The following CARD9 variants were observed in gnomAD, a reference collection of about 807,000 sequenced individuals.
CARD9 encodes caspase recruitment domain family member 9.
Under a neutral mutation model 66.0 loss-of-function variants are expected in CARD9, and 53 were observed. That is an observed-to-expected ratio of 0.80 (90% CI 0.64 to 1.01). The LOEUF is 1.01. Ranked by LOEUF, CARD9 falls within the 50% of genes least tolerant of loss-of-function variation. CARD9 has a pLI of 0.00. For missense variants in CARD9, 769 were observed against 743.2 expected (o/e 1.03, Z -0.40); for synonymous variants, 387 against 313.8 (o/e 1.23, Z -2.47).
At chr9:136,365,446 G>C (rs941340381) in intron 10 of CARD9, 14 of 576,938 alleles carry the variant, frequency 2.4e-5, no homozygotes, top group African/African-American at 2.3e-4. Context: ...CAGGCCCAAC[G>C]CTCCCGCCAG....
In CARD9 at chr9:136,367,815, C is replaced by T. The variant is rs778706578; in HGVS notation, c.1091G>A (p.Arg364Gln). ...GGCGTGCTGTGCGTGCAGCTCCTCC[C>T]GCGTGGCTATGGCCTGACGGGACAG... ...AIERDQAIAT[R>Q]EELHAQHARG... Residue 364 changes from arginine (R) to glutamine (Q), a missense_variant, in exon 8 of 13, where the codon CGG becomes CAG. By Grantham distance (43) the Arg-to-Gln change is conservative. Transcript: ENST00000371732. 1.6e-5 allele frequency: 25 copies of T among 1,600,566 alleles called. No homozygotes were observed. The highest frequency in any genetic ancestry group is 1.2e-4 in the African/African-American group (9 of 74,888).
intron 7 of CARD9, 97 bp from the exon 8 acceptor site, chr9:136,367,925 A>C: frequency 6.8e-7 from 1 of 1,465,300 alleles, no homozygotes; most frequent in Non-Finnish European, 9.0e-7. Context: ...GCTCCGGAGG[A>C]CGTCAAGCCG....
At chr9:136,364,612 C>T (rs1833072335) in intron 11 of CARD9, 53 bp from the exon 12 acceptor site, 6 of 1,501,314 alleles carry the variant, frequency 4.0e-6, no homozygotes, top group African/African-American at 1.4e-5. Context: ...GGGAACCCGT[C>T]CTTCTCACCC....
In CARD9 at chr9:136,371,149, T is replaced by C; in HGVS notation, c.323-4A>G. On this transcript the variant is annotated splice_polypyrimidine_tract_variant and splice_region_variant and intron_variant, in intron 3 of 12. Coordinates refer to ENST00000371732, the MANE Select transcript of CARD9 (RefSeq NM_052813.5). ...AGGCCTGACTCCCCGGACGCGTCTG[T>C]GGGCCAGGCCAGTGTCAGATGGTGC... The C allele has an allele frequency of 1.9e-6, 3 of 1,611,984 alleles. No homozygotes were observed. The highest frequency in any genetic ancestry group is 2.5e-6 in the Non-Finnish European group (3 of 1,179,698).
intron 2 of CARD9, 61 bp from the exon 3 acceptor site, chr9:136,371,522 G>T: frequency 1.2e-5 from 17 of 1,471,226 alleles, no homozygotes; most frequent in Non-Finnish European, 1.5e-5. Flanking sequence ...GCTGGGGTGG[G>T]TGGGCCTGGG....
At chr9:136,372,685 C>T (rs1833304130) in intron 1 of CARD9, among the ~76,000 whole-genome samples, 2 of 152,236 alleles carry the variant, frequency 1.3e-5, no homozygotes, top group Admixed American at 1.3e-4. Context: ...TGTGCCCTCC[C>T]TCCTCCACGG....
intron 7 of CARD9, among the ~76,000 whole-genome samples, chr9:136,368,733 G>A (rs1833186151): frequency 6.6e-6 from 1 of 152,236 alleles, no homozygotes; most frequent in African/African-American, 2.4e-5. Context: ...CCGTGGCCCA[G>A]GCTGGAGTGC....
chr9:136,363,973 G>T lies in CARD9; in HGVS notation c.*329C>A. 1 of 1,134,904 alleles carries T rather than the reference G, an allele frequency of 8.8e-7. No homozygotes were observed. The highest frequency in any genetic ancestry group is 1.3e-6 in the Non-Finnish European group (1 of 773,382). 70.3% of individuals were successfully genotyped at this position (1,134,904 alleles called of 1,614,324 possible). ...AGCGGGAATGCGGGTCACCCGTGCTGTTTATTTACGCAGCTGTGTTTTCTA... is the reference window on the plus strand; with the variant it reads ...AGCGGGAATGCGGGTCACCCGTGCTTTTTATTTACGCAGCTGTGTTTTCTA... On this transcript the variant is annotated 3_prime_UTR_variant, in exon 13 of 13. Coordinates refer to ENST00000371732, the MANE Select transcript of CARD9 (RefSeq NM_052813.5).
chr9:136,366,948 T>TGC, intron 9 of CARD9, 103 bp from the exon 10 acceptor site: 1 of 1,351,588 alleles, frequency 7.4e-7, no homozygotes, highest in African/African-American at 1.4e-5. Context: ...GTGCAGCCAT[T>TGC]GCCGTCACCC....
chr9:136,366,393 T>G (rs1184183257), intron 10 of CARD9: 3 of 231,534 alleles, frequency 1.3e-5, no homozygotes, highest in Non-Finnish European at 2.6e-5. Context: ...ATGCACCTGG[T>G]CGTTCGCTCG....
In CARD9 at chr9:136,365,096, CCT is replaced by C. The variant is rs777164403; in HGVS notation, c.1434+43_1434+44del. The C allele has an allele frequency of 8.1e-6, 13 of 1,595,498 alleles. No individual in the cohort carries two copies. The African/African-American group carries it at 1.6e-4, about 20-fold the overall frequency. On this transcript the variant is annotated intron_variant, in intron 11 of 12. Coordinates refer to ENST00000371732, the MANE Select transcript of CARD9 (RefSeq NM_052813.5). ...AGCCACTCTCCCTGTGATCGGTCAC[CCT>C]GAGGCCCACGGCTGGGAGGACCCCA...
At chr9:136,365,093 C>A in intron 11 of CARD9, 48 bp downstream of exon 11, 1 of 1,586,990 alleles carries the variant, frequency 6.3e-7, no homozygotes, top group South Asian at 1.1e-5. Flanking sequence ...TGTGATCGGT[C>A]ACCCTGAGGC....
At chr9:136,365,259 G>A (rs537150633) in intron 10 of CARD9, 42 bp from the exon 11 acceptor site, 2 of 1,590,312 alleles carry the variant, frequency 1.3e-6, no homozygotes, top group South Asian at 1.1e-5. Context: ...CCCATCTGCT[G>A]GGCCACGTAT....
intron 11 of CARD9, 153 bp downstream of exon 11, chr9:136,364,988 G>A (rs551580772): frequency 1.2e-5 from 8 of 693,650 alleles, no homozygotes; most frequent in Admixed American, 2.7e-5. Context: ...CCCAGACACC[G>A]CACCCCGAGC....
At position 136,367,824 on chromosome 9, in the gene CARD9, A is replaced by G; in HGVS notation, c.1082T>C (p.Ile361Thr). 1.9e-6 allele frequency: 3 copies of G among 1,599,440 alleles called. No homozygotes were observed. The highest frequency in any genetic ancestry group is 2.2e-5 in the East Asian group (1 of 44,766). Residue 361 changes from isoleucine to threonine, a missense_variant, in exon 8 of 13, where the codon ATA (isoleucine) becomes ACA (threonine). Physicochemically the swap from Ile to Thr is moderately conservative, Grantham distance 89 (BLOSUM62 -1). Coordinates refer to ENST00000371732, the MANE Select transcript of CARD9 (RefSeq NM_052813.5). ...EEVAIERDQA[I>T]ATREELHAQH... ...TGCGTGCAGCTCCTCCCGCGTGGCT[A>G]TGGCCTGACGGGACAGCACAAGGCC...
intron 10 of CARD9, chr9:136,366,543 C>T: frequency 1.8e-6 from 1 of 563,768 alleles, no homozygotes; most frequent in Non-Finnish European, 3.2e-6. Flanking sequence ...CCCATGGGGG[C>T]TGCCCAGACC....
intron 1 of CARD9, among the ~76,000 whole-genome samples, chr9:136,373,313 T>C (rs1336850974): frequency 1.3e-5 from 2 of 152,314 alleles, no homozygotes; most frequent in East Asian, 1.9e-4. Context: ...CTTTCCTGCT[T>C]CCCCAGCTTG....
At chr9:136,366,484 C>T in intron 10 of CARD9, 2 of 475,288 alleles carry the variant, frequency 4.2e-6, no homozygotes, top group Non-Finnish European at 7.7e-6. Context: ...TGGGGGCTGC[C>T]CAGAGGGGCC....
chr9:136,367,758 T>G lies in CARD9; in HGVS notation c.1148A>C (p.Lys383Thr). Reference sequence around the variant, plus strand: ...CTTCTCGCCCAGCTCCCGCACCTGCTTGCGCAGCGCGTCCTTCTCCTGCAG... The same window carrying G: ...CTTCTCGCCCAGCTCCCGCACCTGCGTGCGCAGCGCGTCCTTCTCCTGCAG... ...RGLQEKDALR[K>T]QVRELGEKAD... is the part of the protein sequence containing the mutation. The change falls in exon 8 of 13, where the codon AAG (lysine) becomes ACG (threonine). Residue 383 changes from lysine to threonine, a missense_variant. Physicochemically the swap from Lys to Thr is moderately conservative, Grantham distance 78. Transcript: ENST00000371732. 6.2e-7 allele frequency: 1 copy of G among 1,605,334 alleles called. No homozygotes were observed. Among genetic ancestry groups the G allele is most frequent in the Non-Finnish European group, 8.5e-7 (1 of 1,179,576 alleles).
Sources: gnomAD v4.1 joint callset for allele counts (sites outside exome capture counted in the v4.1 genomes callset) on GRCh38, gnomAD v4.1.1 for gene constraint, MANE v1.5 for transcripts, NCBI Gene and HGNC (gene_info 2026-07-23, HGNC 2026-07-21) for gene names.